The following RYR2 variants were observed in gnomAD, a reference collection of about 807,000 sequenced individuals.
The protein encoded by RYR2 is ryanodine receptor 2, also known as cardiac muscle ryanodine receptor-calcium release channel.
RYR2 carries 227 observed loss-of-function variants against 601.1 expected under a neutral mutation model. The observed-to-expected ratio is 0.38, with a 90% CI of 0.34 to 0.42. RYR2 has a LOEUF of 0.42. RYR2 is among the 10% of genes least tolerant of loss of function. RYR2 has a pLI of 1.00. For missense variants in RYR2, 4,646 were observed against 6,156.5 expected (o/e 0.75, Z 8.21); for synonymous variants, 2,223 against 2,175.1 (o/e 1.02, Z -0.61).
Position 237,387,371 on chromosome 1 carries a change from G to T in RYR2, c.667G>T (p.Ala223Ser). 2.5e-6 allele frequency: 4 copies of T among 1,613,950 alleles called. No homozygotes were observed. The highest frequency in any genetic ancestry group is 3.4e-6 in the Non-Finnish European group (4 of 1,179,852). Residue 223 changes from alanine (A) to serine (S), a missense_variant, in exon 9 of 105, where the codon GCA becomes TCA. This residue lies in a region of RYR2 where 87 missense variants were observed against 144.7 expected (regional missense o/e 0.60). Coordinates refer to ENST00000366574, the MANE Select transcript of RYR2 (RefSeq NM_001035.3). ...GGCCCCAATCAGCTCAGGAAGTGAGGCAGCCCAAGGTAAAAACTCCACTTC... is the reference window on the plus strand; with the variant it reads ...GGCCCCAATCAGCTCAGGAAGTGAGTCAGCCCAAGGTAAAAACTCCACTTC... ...SVAPISSGSE[A>S]AQGYLIGGDV...
At chr1:237,145,445 G>A (rs758586935) in intron 1 of RYR2, among the ~76,000 whole-genome samples, 8 of 152,178 alleles carry the variant, frequency 5.3e-5, no homozygotes, top group Non-Finnish European at 1.0e-4. Flanking sequence ...TGAGGAACAT[G>A]CTTCTTTGAA....
intron 1 of RYR2, among the ~76,000 whole-genome samples, chr1:237,201,536 A>C (rs892807992): frequency 6.6e-6 from 1 of 152,166 alleles, no homozygotes; most frequent in Non-Finnish European, 1.5e-5. Flanking sequence ...AACTTGATGT[A>C]TTAGATATGA....
intron 59 of RYR2, 86 bp downstream of exon 59, chr1:237,674,305 A>G: frequency 1.9e-6 from 2 of 1,076,224 alleles, no homozygotes; most frequent in Non-Finnish European, 2.7e-6. Context: ...CTGAAAATGA[A>G]TTCAATGATC....
At chr1:237,209,517 T>TGTGTGTGTGTGTGTA (rs1558429611) in intron 1 of RYR2, among the ~76,000 whole-genome samples, 5 of 20,830 alleles carry the variant, frequency 2.4e-4, no homozygotes, top group African/African-American at 3.8e-4. Context: ...GTGTGTGTAT[T>TGTGTGTGTGTGTGTA]TTTTTTTTTT....
intron 23 of RYR2, among the ~76,000 whole-genome samples, chr1:237,509,276 G>C (rs1665638202): frequency 6.6e-6 from 1 of 152,144 alleles, no homozygotes; most frequent in African/African-American, 2.4e-5. Flanking sequence ...TCTTTTCCAA[G>C]ACCTTCCCTG....
At chr1:237,556,861 C>G (rs1437344377) in intron 27 of RYR2, among the ~76,000 whole-genome samples, 1 of 128,566 alleles carries the variant, frequency 7.8e-6, no homozygotes, top group Admixed American at 8.9e-5. Flanking sequence ...GTACAGCAAA[C>G]TACCCCTTTC....
intron 1 of RYR2, among the ~76,000 whole-genome samples, chr1:237,152,987 G>T (rs1052510430): frequency 6.6e-6 from 1 of 152,176 alleles, no homozygotes; most frequent in Non-Finnish European, 1.5e-5. Context: ...CAAAAAGTGG[G>T]CAAAGGATAT....
Position 237,801,851 on chromosome 1 carries a change from T to C in RYR2, c.14091-5T>C, listed in dbSNP as rs1048452537. The C allele has an allele frequency of 6.3e-7, 1 of 1,580,162 alleles. No homozygotes were observed. The highest frequency in any genetic ancestry group is 1.1e-5 in the South Asian group (1 of 88,714). The stretch of plus-strand genomic sequence containing the variant: ...ACTACGCATTTTTTTTTTTTGTCAT[T>C]GCAGACTGAACTCCATTGATGTGAA... On this transcript the variant is annotated splice_polypyrimidine_tract_variant and splice_region_variant and intron_variant, in intron 97 of 104. Transcript: ENST00000366574.
chr1:237,269,039 A>T (rs1689402220), intron 1 of RYR2, among the ~76,000 whole-genome samples: 3 of 97,150 alleles, frequency 3.1e-5, no homozygotes, highest in African/African-American at 7.6e-5. Flanking sequence ...TATATAGCAT[A>T]TTCTTTTTTT....
At chr1:237,335,670 T>C (rs1257656718) in intron 3 of RYR2, among the ~76,000 whole-genome samples, 1 of 152,198 alleles carries the variant, frequency 6.6e-6, no homozygotes, top group Non-Finnish European at 1.5e-5. Flanking sequence ...TGGGTCCCTT[T>C]ATTATTAGAA....
At chr1:237,118,900 A>T (rs1237635725) in intron 1 of RYR2, among the ~76,000 whole-genome samples, 7 of 150,656 alleles carry the variant, frequency 4.6e-5, no homozygotes, top group South Asian at 2.1e-4. Context: ...TTTTTTTTTT[A>T]AAAGACCTAA....
chr1:237,607,497 C>G (rs1677273789), intron 35 of RYR2, among the ~76,000 whole-genome samples: 1 of 152,078 alleles, frequency 6.6e-6, no homozygotes, highest in Non-Finnish European at 1.5e-5. Flanking sequence ...ATGGGTGCAG[C>G]ACACCAACAT....
intron 27 of RYR2, among the ~76,000 whole-genome samples, chr1:237,566,046 A>G (rs971677025): frequency 3.3e-5 from 5 of 152,134 alleles, no homozygotes; most frequent in African/African-American, 1.2e-4. Context: ...AGCCATCACC[A>G]TCCTGTAGGG....
intron 24 of RYR2, among the ~76,000 whole-genome samples, chr1:237,528,146 C>A (rs113564749): frequency 0.015 from 2,245 of 152,234 alleles, 21 homozygotes; most frequent in Non-Finnish European, 0.023. Context: ...CCATAAAGTG[C>A]TTCTTTTAAG....
intron 64 of RYR2, among the ~76,000 whole-genome samples, chr1:237,699,723 C>T (rs1279768141): frequency 6.6e-6 from 1 of 152,230 alleles, no homozygotes; most frequent in African/African-American, 2.4e-5. Context: ...TACAGACCTT[C>T]ACTTCCTACT....
At chr1:237,297,638 T>C (rs2149442508) in intron 2 of RYR2, among the ~76,000 whole-genome samples, 1 of 152,218 alleles carries the variant, frequency 6.6e-6, no homozygotes, top group South Asian at 2.1e-4. Context: ...TTCTAAAAAG[T>C]ACTCTGCAAC....
chr1:237,289,567 A>G (rs928021266), intron 2 of RYR2, among the ~76,000 whole-genome samples: 3 of 152,110 alleles, frequency 2.0e-5, no homozygotes, highest in Non-Finnish European at 4.4e-5. Flanking sequence ...TCTCATGAGA[A>G]CTCACTCAGT....
chr1:237,464,601 A>G (rs144191634), intron 16 of RYR2, among the ~76,000 whole-genome samples: 113 of 152,136 alleles, frequency 7.4e-4, no homozygotes, highest in African/African-American at 2.7e-3. Flanking sequence ...CTCTGTTTCT[A>G]TCTCAGTCCC....
chr1:237,061,285 A>G (rs1268255801), intron 1 of RYR2, among the ~76,000 whole-genome samples: 1 of 11,700 alleles, frequency 8.5e-5, no homozygotes, highest in Non-Finnish European at 3.1e-4. Context: ...TCATCTATCT[A>G]TCTATCTATC....
Sources: allele counts gnomAD v4.1 joint callset (sites outside exome capture counted in the v4.1 genomes callset), GRCh38; gene constraint gnomAD v4.1.1; regional missense constraint gnomAD v4.1.1; transcripts MANE v1.5; gene names NCBI Gene and HGNC (gene_info 2026-07-23, HGNC 2026-07-21).